EHBP1: variants seen among roughly 807,000 people sequenced by gnomAD.
EHBP1 encodes the protein EH domain-binding protein 1.
EHBP1 carries 55 observed loss-of-function variants against 144.0 expected under a neutral mutation model. The observed-to-expected ratio is 0.38, with a 90% CI of 0.31 to 0.48. EHBP1 has a LOEUF of 0.48. Ranked by LOEUF, EHBP1 falls within the 20% of genes least tolerant of loss-of-function variation. The pLI, the probability that EHBP1 is intolerant of heterozygous loss-of-function variation, is 0.98. For missense variants in EHBP1, 1,200 were observed against 1,364.2 expected (o/e 0.88, Z 1.90); for synonymous variants, 469 against 472.7 (o/e 0.99, Z 0.10).
intron 5 of EHBP1, among the ~76,000 whole-genome samples, chr2:62,811,369 G>A (rs945424396): frequency 1.3e-5 from 2 of 152,176 alleles, no homozygotes; most frequent in African/African-American, 2.4e-5. Flanking sequence ...TGTTTTCAGC[G>A]TGGCCTGAGA....
At chr2:62,917,258 A>C (rs1047636123) in intron 10 of EHBP1, among the ~76,000 whole-genome samples, 1 of 152,204 alleles carries the variant, frequency 6.6e-6, no homozygotes, top group Admixed American at 6.5e-5. Flanking sequence ...ATACCACTGC[A>C]TTCCAGCCTG....
At chr2:62,873,039 C>A (rs917870710) in intron 9 of EHBP1, among the ~76,000 whole-genome samples, 17 of 152,280 alleles carry the variant, frequency 1.1e-4, no homozygotes, top group African/African-American at 3.8e-4. Context: ...TATTAATTTT[C>A]TTAGTCCTAA....
At chr2:63,032,348 C>G (rs1179741360) in intron 19 of EHBP1, among the ~76,000 whole-genome samples, 1 of 151,230 alleles carries the variant, frequency 6.6e-6, no homozygotes, top group Non-Finnish European at 1.5e-5. Flanking sequence ...GCGGGTGGAT[C>G]ATGAGGTCAG....
intron 7 of EHBP1, among the ~76,000 whole-genome samples, chr2:62,838,705 A>G (rs1358776570): frequency 1.3e-5 from 2 of 151,940 alleles, no homozygotes; most frequent in African/African-American, 2.4e-5. Context: ...AAAGAATACT[A>G]CAAACACCTC....
chr2:63,046,291 C>A lies in EHBP1; in HGVS notation c.*791C>A, dbSNP rs1352056606. ...ATTCCTACATTTTGTTGGGTCTCAA[C>A]ATTGGCTCACGAATGCTGTTAATAT... On this transcript the variant is annotated 3_prime_UTR_variant, in exon 23 of 23. Coordinates refer to ENST00000431489, the MANE Select transcript of EHBP1 (RefSeq NM_001142616.3). The A allele has an allele frequency of 1.3e-5, 2 of 152,654 alleles. No homozygotes were observed. The highest frequency in any genetic ancestry group is 4.8e-5 in the African/African-American group (2 of 41,450). The allele number at this position is 152,654 out of a possible 1,614,324, so 9.5% of individuals were successfully genotyped here. A position where few individuals can be genotyped will look rare whatever the true frequency, so the allele number is the denominator to read the frequency against.
chr2:62,674,860 G>A (rs1420319254), intron 1 of EHBP1, among the ~76,000 whole-genome samples: 2 of 152,114 alleles, frequency 1.3e-5, no homozygotes, highest in Non-Finnish European at 2.9e-5. Context: ...TAAATTCCTG[G>A]CCTCAAATGA....
At chr2:62,986,303 A>C (rs1375819836) in intron 15 of EHBP1, among the ~76,000 whole-genome samples, 1 of 152,228 alleles carries the variant, frequency 6.6e-6, no homozygotes, top group African/African-American at 2.4e-5. Flanking sequence ...AAAAGATCTC[A>C]CAGGTGATTG....
intron 2 of EHBP1, among the ~76,000 whole-genome samples, chr2:62,741,024 T>G (rs2038653521): frequency 6.6e-6 from 1 of 152,134 alleles, no homozygotes; most frequent in Non-Finnish European, 1.5e-5. Context: ...AAAGTTTATT[T>G]TTTGCTCACT....
intron 2 of EHBP1, among the ~76,000 whole-genome samples, chr2:62,732,024 A>G (rs1026732924): frequency 1.3e-5 from 2 of 151,374 alleles, no homozygotes; most frequent in Non-Finnish European, 2.9e-5. Flanking sequence ...ATTTTATTTC[A>G]CTCTCTTCCT....
intron 10 of EHBP1, among the ~76,000 whole-genome samples, 186 bp downstream of exon 10, chr2:62,874,718 G>A (rs765725650): frequency 1.3e-5 from 2 of 152,188 alleles, no homozygotes; most frequent in Non-Finnish European, 2.9e-5. Flanking sequence ...GTACAGTATG[G>A]ATTGGATGGC....
intron 7 of EHBP1, among the ~76,000 whole-genome samples, chr2:62,839,549 A>G (rs1444751509): frequency 6.7e-6 from 1 of 149,838 alleles, no homozygotes; most frequent in Non-Finnish European, 1.5e-5. Flanking sequence ...AGGAAGTCAA[A>G]TTGTCCCTGT....
At chr2:62,779,561 C>T (rs1250130287) in intron 5 of EHBP1, among the ~76,000 whole-genome samples, 1 of 152,180 alleles carries the variant, frequency 6.6e-6, no homozygotes, top group Non-Finnish European at 1.5e-5. Flanking sequence ...AACCAGAATA[C>T]ATTTGAATGA....
chr2:62,956,657 A>T (rs1337583244), intron 14 of EHBP1, among the ~76,000 whole-genome samples: 1 of 147,736 alleles, frequency 6.8e-6, no homozygotes, highest in African/African-American at 2.5e-5. Context: ...AGACCAGCCT[A>T]GGCAACAGTG....
chr2:62,957,456 C>T (rs2153117084), intron 14 of EHBP1, among the ~76,000 whole-genome samples: 1 of 152,010 alleles, frequency 6.6e-6, no homozygotes, highest in East Asian at 1.9e-4. Context: ...ACAGGAAAGT[C>T]CACTATCACT....
intron 10 of EHBP1, among the ~76,000 whole-genome samples, chr2:62,942,326 A>G (rs1439350843): frequency 6.6e-6 from 1 of 152,200 alleles, no homozygotes; most frequent in East Asian, 1.9e-4. Flanking sequence ...CTCGAAATAC[A>G]TTATTTTTAA....
intron 8 of EHBP1, among the ~76,000 whole-genome samples, chr2:62,862,724 A>G (rs934855640): frequency 2.6e-5 from 4 of 152,258 alleles, no homozygotes; most frequent in Non-Finnish European, 4.4e-5. Flanking sequence ...GAGAATTTCA[A>G]TAATCAATTT....
chr2:62,758,011 CAAAA>C (rs879511679), intron 3 of EHBP1, among the ~76,000 whole-genome samples: 2 of 87,542 alleles, frequency 2.3e-5, no homozygotes, highest in Non-Finnish European at 2.5e-5. Flanking sequence ...GACTCTGTCT[CAAAA>C]AAAAAAAAAA....
intron 14 of EHBP1, among the ~76,000 whole-genome samples, chr2:62,964,408 T>G (rs1479238950): frequency 6.6e-6 from 1 of 152,236 alleles, no homozygotes. Context: ...TTACTAAAGC[T>G]GTATTTTATA....
chr2:62,753,877 T>G (rs1234196001), intron 3 of EHBP1, among the ~76,000 whole-genome samples: 2 of 152,226 alleles, frequency 1.3e-5, no homozygotes, highest in African/African-American at 4.8e-5. Flanking sequence ...CACTGGTTAT[T>G]CTAGTTAGAC....
Sources: gnomAD v4.1 joint callset for allele counts (sites outside exome capture counted in the v4.1 genomes callset) on GRCh38, gnomAD v4.1.1 for gene constraint, MANE v1.5 for transcripts, NCBI Gene and HGNC (gene_info 2026-07-23, HGNC 2026-07-21) for gene names.